NLGN3: variants seen among roughly 807,000 people sequenced by gnomAD.
The protein encoded by NLGN3 is neuroligin-3.
A neutral mutation model predicts 42.9 loss-of-function variants in NLGN3; 11 were observed. The ratio of observed to expected loss-of-function variants is 0.26; its 90% CI spans 0.16 to 0.42. The LOEUF (loss-of-function observed/expected upper bound fraction) is 0.42. Among genes scored for constraint, NLGN3 ranks in the 10% least tolerant of loss-of-function variants. The pLI, the probability that NLGN3 is intolerant of heterozygous loss-of-function variation, is 1.00. For synonymous variants in NLGN3, 279 were observed against 312.7 expected (o/e 0.89, Z 1.14); for missense variants, 374 against 733.8 (o/e 0.51, Z 5.67).
downstream of NLGN3, among the ~76,000 whole-genome samples, chrX:71,171,500 ACTTC>A (rs1226939131): frequency 2.8e-5 from 3 of 108,766 alleles, no homozygotes; most frequent in Non-Finnish European, 5.8e-5. Flanking sequence ...TGGCAAAAAT[ACTTC>A]CTTCCTTCTC....
At chrX:71,166,589 GCCTGCATTTCTCAT>G in intron 6 of NLGN3, among the ~76,000 whole-genome samples, 1 of 112,154 alleles carries the variant, frequency 8.9e-6, no homozygotes, top group African/African-American at 3.2e-5. Context: ...GCTCTTGCCT[GCCTGCATTTCTCAT>G]CTCTCATGAA....
rs1338191329 is a variant in NLGN3 at position 71,168,359 on chromosome X, CACAT to C, written c.1703+561_1703+564del. Among the ~76,000 whole-genome samples, 5 of 110,264 alleles carry C rather than the reference CACAT, an allele frequency of 4.5e-5. No homozygotes were observed. In the Admixed American group the frequency reaches 4.8e-4, roughly 11 times the overall value. ...CTTATCTTAAACACACACACACACA[CACAT>C]ATACACACACACACTATGGGATTCA... On this transcript the variant is annotated intron_variant, in intron 7 of 7. Coordinates refer to ENST00000358741, the MANE Select transcript of NLGN3 (RefSeq NM_181303.2).
Position 71,170,174 on chromosome X carries a change from C to T in NLGN3, c.*77C>T, listed in dbSNP as rs1027648764. On this transcript the variant is annotated 3_prime_UTR_variant, in exon 8 of 8. Coordinates refer to ENST00000358741, the MANE Select transcript of NLGN3 (RefSeq NM_181303.2). ...GAACACATGCACACACACACACACA[C>T]ACACGCAGACACACACACACACACA... The T allele has an allele frequency of 3.0e-5, 36 of 1,186,636 alleles. No individual in the cohort carries two copies. The highest frequency in any genetic ancestry group is 5.6e-6 in the Non-Finnish European group (5 of 887,974).
At chrX:71,158,584 G>T (rs1488992484) in intron 5 of NLGN3, among the ~76,000 whole-genome samples, 2 of 111,872 alleles carry the variant, frequency 1.8e-5, no homozygotes, top group Non-Finnish European at 3.8e-5. Context: ...AAAATACAAA[G>T]AATACTAAAA....
downstream of NLGN3, chrX:71,171,549 C>T (rs1250098481): frequency 6.8e-5 from 14 of 204,762 alleles, 1 homozygote; most frequent in Non-Finnish European, 1.0e-4. Context: ...TCTTACTTCT[C>T]CTCCTCCTCC....
At chrX:71,152,233 C>T (rs2092393673) in intron 3 of NLGN3, among the ~76,000 whole-genome samples, 2 of 111,005 alleles carry the variant, frequency 1.8e-5, no homozygotes, top group African/African-American at 6.6e-5. Flanking sequence ...CCACAGCCAT[C>T]GCCAGGATGC....
chrX:71,152,437 C>T (rs2092394591), intron 3 of NLGN3, among the ~76,000 whole-genome samples: 1 of 110,306 alleles, frequency 9.1e-6, no homozygotes, highest in Non-Finnish European at 1.9e-5. Flanking sequence ...AGAAAGGTGG[C>T]ATGATGCAGT....
intron 3 of NLGN3, among the ~76,000 whole-genome samples, chrX:71,152,751 C>A (rs2092395617): frequency 9.0e-6 from 1 of 111,380 alleles, no homozygotes; most frequent in South Asian, 3.8e-4. Flanking sequence ...TCTCCTCTTC[C>A]CCTTTCTTCT....
intron 5 of NLGN3, among the ~76,000 whole-genome samples, chrX:71,162,346 T>C (rs2092433233): frequency 9.0e-6 from 1 of 111,191 alleles, no homozygotes; most frequent in African/African-American, 3.3e-5. Context: ...GCCAGGTTGG[T>C]CTCAAACTTC....
Position 71,155,040 on chromosome X carries a change from C to T in NLGN3, c.578-174C>T, listed in dbSNP as rs140392796. Among the ~76,000 whole-genome samples, 27 of 112,783 alleles carry T rather than the reference C, an allele frequency of 2.4e-4. No individual in the cohort carries two copies. The East Asian group carries it at 6.8e-3, about 28-fold the overall frequency. ...AAATATCACTGAAGCCCCACTGTCT[C>T]GGGCTGATGCTTGAGCTCCAGGTTG... On this transcript the variant is annotated intron_variant, in intron 4 of 7. Coordinates refer to ENST00000358741, the MANE Select transcript of NLGN3 (RefSeq NM_181303.2).
chrX:71,160,361 C>T (rs937108367), intron 5 of NLGN3, among the ~76,000 whole-genome samples: 1 of 109,288 alleles, frequency 9.2e-6, no homozygotes, highest in African/African-American at 3.3e-5. Flanking sequence ...GGATTACAGG[C>T]GCCTGCCACC....
rs932516208 is a variant in NLGN3 at position 71,148,788 on chromosome X, G to T, written c.458-58G>T. On this transcript the variant is annotated intron_variant, in intron 2 of 7. Coordinates refer to ENST00000358741, the MANE Select transcript of NLGN3 (RefSeq NM_181303.2). ...GCTCTTGGGGCCTGGGGGGTGGGGG[G>T]TGCATGCCCCTGGGCAGAGGCCTCC... The T allele has an allele frequency of 5.6e-6, 6 of 1,063,921 alleles. No individual in the cohort carries two copies. In the Admixed American group the frequency reaches 1.5e-4, roughly 26 times the overall value. The allele number at this position is 1,063,921 out of a possible 1,213,427, so 87.7% of individuals were successfully genotyped here. A position where few individuals can be genotyped will look rare whatever the true frequency, so the allele number is the denominator to read the frequency against.
chrX:71,150,427 C>T (rs887508627), intron 3 of NLGN3, among the ~76,000 whole-genome samples: 24 of 111,778 alleles, frequency 2.1e-4, no homozygotes, highest in African/African-American at 7.8e-4. Context: ...AGAGGCCGGG[C>T]GTGGTGGCTC....
intron 7 of NLGN3, among the ~76,000 whole-genome samples, chrX:71,168,849 G>GA (rs777088760): frequency 7.9e-4 from 67 of 84,883 alleles, no homozygotes; most frequent in African/African-American, 4.1e-3. Flanking sequence ...AAGAAAGAAA[G>GA]AAAGAAAGAA....
chrX:71,150,596 G>A (rs1463141505), intron 3 of NLGN3, among the ~76,000 whole-genome samples: 1 of 108,789 alleles, frequency 9.2e-6, no homozygotes, highest in African/African-American at 3.4e-5. Context: ...CGGCTACTCG[G>A]GAGGTTGAGG....
Position 71,167,615 on chromosome X carries a change from C to T in NLGN3, c.1518C>T (p.Phe506=). The T allele has an allele frequency of 8.3e-7, 1 of 1,211,347 alleles. No homozygotes were observed. The highest frequency in any genetic ancestry group is 1.1e-6 in the Non-Finnish European group (1 of 895,401). Residue 506 remains phenylalanine (F), a synonymous_variant, in exon 7 of 8, where the codon TTC becomes TTT. Coordinates refer to ENST00000358741, the MANE Select transcript of NLGN3 (RefSeq NM_181303.2). ...GCTCGCCTACCTACTTCTACGCCTTCTATCATCACTGCCAGAGCCTCATGA... is the reference window on the plus strand; with the variant it reads ...GCTCGCCTACCTACTTCTACGCCTTTTATCATCACTGCCAGAGCCTCATGA... ...RYGSPTYFYA[F]YHHCQSLMKP... is the part of the protein sequence containing the mutation.
intron 7 of NLGN3, among the ~76,000 whole-genome samples, chrX:71,168,824 AG>A (rs1360956828): frequency 8.9e-5 from 4 of 45,078 alleles, no homozygotes; most frequent in African/African-American, 3.3e-4. Flanking sequence ...GAAAAAAAAA[AG>A]AAAGAAAGAA....
chrX:71,167,826 C>T (rs2092451735), intron 7 of NLGN3, 26 bp downstream of exon 7: 4 of 1,150,576 alleles, frequency 3.5e-6, no homozygotes, highest in Non-Finnish European at 4.8e-6. Flanking sequence ...GGTTTTTTTC[C>T]TCTTTGAGAC....
chrX:71,147,515 C>T (rs899172523), intron 1 of NLGN3, 35 bp from the exon 2 acceptor site: 1 of 441,062 alleles, frequency 2.3e-6, no homozygotes, highest in East Asian at 3.7e-5. Flanking sequence ...CCTCCCAGAC[C>T]ATCTTGGATG....
Sources: gnomAD v4.1 joint callset for allele counts (sites outside exome capture counted in the v4.1 genomes callset) on GRCh38, gnomAD v4.1.1 for gene constraint, MANE v1.5 for transcripts, NCBI Gene and HGNC (gene_info 2026-07-23, HGNC 2026-07-21) for gene names.